The following GABRB2 variants were observed in gnomAD, a reference collection of about 807,000 sequenced individuals.
GABRB2 encodes the protein gamma-aminobutyric acid receptor subunit beta-2.
In GABRB2, 16 loss-of-function variants were observed where a neutral mutation model predicts 54.7. The ratio of observed to expected loss-of-function variants is 0.29; its 90% CI spans 0.20 to 0.44. GABRB2 has a LOEUF of 0.44. GABRB2 is among the 20% of genes least tolerant of loss of function. The pLI, the probability that GABRB2 is intolerant of heterozygous loss-of-function variation, is 1.00. For missense variants in GABRB2, 355 were observed against 644.0 expected, an observed-to-expected ratio of 0.55 and a Z score of 4.86; for synonymous variants, 244 against 233.8, an observed-to-expected ratio of 1.04 and a Z score of -0.40.
intron 3 of GABRB2, among the ~76,000 whole-genome samples, chr5:161,487,396 A>T (rs1758960311): frequency 6.6e-6 from 1 of 151,796 alleles, no homozygotes; most frequent in South Asian, 2.1e-4. Context: ...CATTGCCCAC[A>T]CTCTTATTGA....
chr5:161,509,515 C>T (rs759477207), intron 3 of GABRB2, among the ~76,000 whole-genome samples: 1 of 151,928 alleles, frequency 6.6e-6, no homozygotes, highest in African/African-American at 2.4e-5. Flanking sequence ...GAGTTATTCA[C>T]ATTCCTCTTG....
chr5:161,527,423 T>C (rs186747957), intron 3 of GABRB2, among the ~76,000 whole-genome samples: 36 of 151,564 alleles, frequency 2.4e-4, no homozygotes, highest in African/African-American at 8.7e-4. Flanking sequence ...TTTTTAAAAA[T>C]ATTGGTGTGG....
At chr5:161,471,509 CA>C (rs1436838613) in intron 3 of GABRB2, among the ~76,000 whole-genome samples, 1 of 152,000 alleles carries the variant, frequency 6.6e-6, no homozygotes, top group Admixed American at 6.6e-5. Flanking sequence ...CACCTAAGAT[CA>C]CCCATAAGGG....
intron 3 of GABRB2, among the ~76,000 whole-genome samples, chr5:161,499,390 T>C (rs1249099764): frequency 6.6e-6 from 1 of 152,074 alleles, no homozygotes; most frequent in African/African-American, 2.4e-5. Context: ...TTGGGGTCCA[T>C]TTATTCATCT....
intron 9 of GABRB2, among the ~76,000 whole-genome samples, chr5:161,310,224 C>T (rs1292092080): frequency 1.3e-5 from 2 of 152,098 alleles, no homozygotes; most frequent in Admixed American, 6.5e-5. Flanking sequence ...AGGCTTAATA[C>T]CTGAGTGATC....
chr5:161,547,244 G>A (rs1581076234), upstream of GABRB2: 1 of 123,944 alleles, frequency 8.1e-6, no homozygotes, highest in Non-Finnish European at 1.7e-5. Flanking sequence ...GGGGGGAGGG[G>A]GCGTTGGGAG....
intron 3 of GABRB2, among the ~76,000 whole-genome samples, chr5:161,489,704 G>A (rs1049775268): frequency 6.6e-6 from 1 of 151,464 alleles, no homozygotes; most frequent in African/African-American, 2.4e-5. Context: ...CTGCATTGAG[G>A]GAATATTTAG....
intron 5 of GABRB2, among the ~76,000 whole-genome samples, chr5:161,366,397 T>C (rs1754974167): frequency 1.3e-5 from 2 of 152,168 alleles, no homozygotes; most frequent in Admixed American, 6.5e-5. Context: ...ATTTGGATAC[T>C]TGAATCTCAT....
intron 3 of GABRB2, among the ~76,000 whole-genome samples, chr5:161,518,612 GAT>G (rs1760023219): frequency 6.6e-6 from 1 of 152,114 alleles, no homozygotes; most frequent in African/African-American, 2.4e-5. Flanking sequence ...AATTATTCTT[GAT>G]TATTGAGAGC....
chr5:161,342,381 T>C (rs144195511), intron 5 of GABRB2, among the ~76,000 whole-genome samples: 2 of 152,170 alleles, frequency 1.3e-5, no homozygotes, highest in East Asian at 3.9e-4. Context: ...TGTAAATAAC[T>C]ATTAGTAAAA....
intron 4 of GABRB2, among the ~76,000 whole-genome samples, chr5:161,416,343 A>G (rs1756664274): frequency 6.6e-6 from 1 of 152,102 alleles, no homozygotes; most frequent in South Asian, 2.1e-4. Flanking sequence ...CGAAAACCTC[A>G]GAATCATAAT....
intron 4 of GABRB2, among the ~76,000 whole-genome samples, chr5:161,457,590 C>T (rs1757995386): frequency 6.6e-6 from 1 of 151,866 alleles, no homozygotes; most frequent in Admixed American, 6.6e-5. Context: ...GGACTACAGG[C>T]CCCCGCCACT....
intron 4 of GABRB2, among the ~76,000 whole-genome samples, chr5:161,456,064 G>C (rs1757945587): frequency 6.6e-6 from 1 of 152,086 alleles, no homozygotes; most frequent in African/African-American, 2.4e-5. Context: ...GTCTTAATGG[G>C]AAAGAAGTTT....
At chr5:161,546,802 TAA>T (rs56867928), upstream of GABRB2, 47,764 of 1,174,784 alleles carry the variant, frequency 0.041, no homozygotes, top group Non-Finnish European at 0.044. Context: ...TTTCCTTGTT[TAA>T]AAAAAAAAAA....
intron 9 of GABRB2, among the ~76,000 whole-genome samples, chr5:161,304,018 T>C (rs1757610748): frequency 6.6e-6 from 1 of 152,178 alleles, no homozygotes; most frequent in Non-Finnish European, 1.5e-5. Flanking sequence ...TGGTACAAAG[T>C]AAGTATTCCA....
intron 3 of GABRB2, among the ~76,000 whole-genome samples, chr5:161,494,716 T>C (rs1359152589): frequency 6.6e-6 from 1 of 151,854 alleles, no homozygotes; most frequent in African/African-American, 2.4e-5. Context: ...TTACTTGATG[T>C]TTCTCCAGGC....
intron 4 of GABRB2, among the ~76,000 whole-genome samples, chr5:161,421,029 C>T (rs1047258288): frequency 6.6e-6 from 1 of 152,162 alleles, no homozygotes; most frequent in Non-Finnish European, 1.5e-5. Flanking sequence ...CCAACTAAAG[C>T]AGCCCTCCTT....
At chr5:161,512,626 T>C (rs761869460) in intron 3 of GABRB2, among the ~76,000 whole-genome samples, 1 of 152,028 alleles carries the variant, frequency 6.6e-6, no homozygotes, top group African/African-American at 2.4e-5. Flanking sequence ...GAAGAATACC[T>C]AGGAAATATC....
At chr5:161,381,619 C>T (rs1351539730) in intron 5 of GABRB2, among the ~76,000 whole-genome samples, 1 of 152,098 alleles carries the variant, frequency 6.6e-6, no homozygotes, top group Non-Finnish European at 1.5e-5. Context: ...TCAGGGTACA[C>T]TTTACAAAAG....
Sources: allele counts gnomAD v4.1 joint callset (sites outside exome capture counted in the v4.1 genomes callset), GRCh38; gene constraint gnomAD v4.1.1; transcripts MANE v1.5; gene names NCBI Gene and HGNC (gene_info 2026-07-23, HGNC 2026-07-21).